The following RAB11B variants were observed in gnomAD, a reference collection of about 807,000 sequenced individuals.
RAB11B encodes the protein RAB11B, member RAS oncogene family.
A neutral mutation model predicts 23.7 loss-of-function variants in RAB11B; 7 were observed. The ratio of observed to expected loss-of-function variants is 0.29; its 90% CI spans 0.17 to 0.55. The LOEUF is 0.55. RAB11B is among the 20% of genes least tolerant of loss of function. The pLI is 0.93. For synonymous variants in RAB11B, 138 were observed against 132.0 expected (o/e 1.05, Z -0.31); for missense variants, 189 against 320.0 (o/e 0.59, Z 3.12).
rs1391174970 is a variant in RAB11B, at chr19:8,404,226, C to G, written c.*668C>G. ...GTCTGGAACCTGTTTGCAAGTGAAG[C>G]AATATCTCCGTGTTTTGTATATACA... On this transcript the variant is annotated 3_prime_UTR_variant, in exon 5 of 5. Coordinates refer to ENST00000328024, the MANE Select transcript of RAB11B (RefSeq NM_004218.4). The G allele has an allele frequency of 6.6e-6, 1 of 152,162 alleles. No individual in the cohort carries two copies. Among genetic ancestry groups the G allele is most frequent in the Non-Finnish European group, 1.5e-5 (1 of 68,146 alleles). The allele number at this position is 152,162 out of a possible 1,614,324, so 9.4% of individuals were successfully genotyped here.
At chr19:8,403,292 GA>G (rs1971452569) in intron 4 of RAB11B, 120 bp from the exon 5 acceptor site, 2 of 1,301,542 alleles carry the variant, frequency 1.5e-6, no homozygotes, top group Admixed American at 4.2e-5. Flanking sequence ...TGTTACCCCT[GA>G]TGTGATGGGG....
chr19:8,391,680 C>T (rs115212125), intron 1 of RAB11B, among the ~76,000 whole-genome samples: 63 of 152,246 alleles, frequency 4.1e-4, no homozygotes, highest in African/African-American at 1.4e-3. Flanking sequence ...TGAGGGCCTG[C>T]GTCGCACATC....
At chr19:8,394,802 C>T (rs1236334168) in intron 1 of RAB11B, among the ~76,000 whole-genome samples, 2 of 152,214 alleles carry the variant, frequency 1.3e-5, no homozygotes, top group Non-Finnish European at 2.9e-5. Flanking sequence ...TCGTGGTGCA[C>T]GCCTATAATC....
In RAB11B at chr19:8,403,459, C is replaced by T; in HGVS notation, c.558C>T (p.Ala186=). 1 of 1,613,868 alleles carries T rather than the reference C, an allele frequency of 6.2e-7. No homozygotes were observed. The highest frequency in any genetic ancestry group is 8.5e-7 in the Non-Finnish European group (1 of 1,179,780). ...AGAAACAGATCGCAGACCGCGCTGC[C>T]CACGACGAGTCCCCGGGGAACAACG... ...VSQKQIADRA[A]HDESPGNNVV... Residue 186 remains alanine (A), a synonymous_variant, in exon 5 of 5, where the codon GCC becomes GCT. Transcript: ENST00000328024.
In RAB11B at chr19:8,403,605, C is replaced by T. The variant is rs377340131; in HGVS notation, c.*47C>T. 777 of 1,573,544 alleles carry T rather than the reference C, an allele frequency of 4.9e-4. 2 individuals are homozygous for T. The African/African-American group carries it at 8.0e-3, about 16-fold the overall frequency. ...TGCGTGCACGTCCTCCGCCCGCCCC[C>T]GCCACGGTATCCTCTGGCCCCTCCC... On this transcript the variant is annotated 3_prime_UTR_variant, in exon 5 of 5. Transcript: ENST00000328024.
rs191106406 is a variant in RAB11B, at chr19:8,403,648, C to T, written c.*90C>T. The T allele has an allele frequency of 7.1e-4, 1,069 of 1,508,804 alleles. 14 individuals are homozygous for T. In the East Asian group the frequency reaches 0.023, roughly 32 times the overall value. 93.5% of individuals were successfully genotyped at this position (1,508,804 alleles called of 1,614,324 possible). Reference sequence around the variant, plus strand: ...CCCCTCCCTGCTGTCCCTCTGTGGCCGGCTCGTTCCAGCCCTCCCAGTGAG... The same window carrying T: ...CCCCTCCCTGCTGTCCCTCTGTGGCTGGCTCGTTCCAGCCCTCCCAGTGAG... On this transcript the variant is annotated 3_prime_UTR_variant, in exon 5 of 5. Coordinates refer to ENST00000328024, the MANE Select transcript of RAB11B (RefSeq NM_004218.4).
Position 8,403,600 on chromosome 19 carries a change from G to C in RAB11B, c.*42G>C, listed in dbSNP as rs748341027. 93 of 1,577,460 alleles carry C rather than the reference G, an allele frequency of 5.9e-5. No homozygotes were observed. The Middle Eastern group carries it at 8.6e-4, about 15-fold the overall frequency. On this transcript the variant is annotated 3_prime_UTR_variant, in exon 5 of 5. Coordinates refer to ENST00000328024, the MANE Select transcript of RAB11B (RefSeq NM_004218.4). ...CAGCGTGCGTGCACGTCCTCCGCCC[G>C]CCCCCGCCACGGTATCCTCTGGCCC...
chr19:8,390,814 G>A (rs1467928007), intron 1 of RAB11B: 1 of 229,166 alleles, frequency 4.4e-6, no homozygotes, highest in Non-Finnish European at 8.5e-6. Flanking sequence ...AGCGTGATTC[G>A]GGATGGGGGC....
chr19:8,400,493 G>GC (rs1247423088), intron 2 of RAB11B, among the ~76,000 whole-genome samples: 1 of 151,962 alleles, frequency 6.6e-6, no homozygotes, highest in Non-Finnish European at 1.5e-5. Flanking sequence ...CCCCTCCCAA[G>GC]CCCCCCAGCC....
At chr19:8,398,923 A>C (rs1162909081) in intron 1 of RAB11B, among the ~76,000 whole-genome samples, 1 of 151,606 alleles carries the variant, frequency 6.6e-6, no homozygotes, top group Non-Finnish European at 1.5e-5. Context: ...CTGGGGCTAC[A>C]GTAGCCACCA....
chr19:8,390,748 G>C (rs1160362138), intron 1 of RAB11B: 4 of 339,268 alleles, frequency 1.2e-5, no homozygotes, highest in Non-Finnish European at 2.1e-5. Context: ...TGTTAGGGCG[G>C]GGCCTCCGCA....
intron 4 of RAB11B, chr19:8,402,806 G>A (rs1245183908): frequency 3.5e-6 from 2 of 573,008 alleles, no homozygotes; most frequent in Non-Finnish European, 6.1e-6. Flanking sequence ...GGGATTACAG[G>A]TGCCTGCCAC....
intron 1 of RAB11B, 138 bp from the exon 2 acceptor site, chr19:8,399,725 C>G (rs891383660): frequency 2.1e-6 from 2 of 951,614 alleles, no homozygotes; most frequent in South Asian, 1.6e-5. Context: ...CCTGCAGGCC[C>G]TGGGCTCCAG....
chr19:8,403,973 A>C lies in RAB11B; in HGVS notation c.*415A>C. The C allele has an allele frequency of 6.2e-6, 1 of 161,796 alleles. No homozygotes were observed. The allele number at this position is 161,796 out of a possible 1,614,324, so 10.0% of individuals were successfully genotyped here. On this transcript the variant is annotated 3_prime_UTR_variant, in exon 5 of 5. Coordinates refer to ENST00000328024, the MANE Select transcript of RAB11B (RefSeq NM_004218.4). ...CCACCCAGAACCGTGCTCTGGGCCAAAGCCCGAAGAACCAGGCAGCGGGGG... is the reference window on the plus strand; with the variant it reads ...CCACCCAGAACCGTGCTCTGGGCCACAGCCCGAAGAACCAGGCAGCGGGGG...
chr19:8,401,735 T>C (rs900798498), intron 2 of RAB11B, among the ~76,000 whole-genome samples: 1 of 151,114 alleles, frequency 6.6e-6, no homozygotes, highest in Non-Finnish European at 1.5e-5. Context: ...TTGCCCAGGC[T>C]GGTCTGAAAC....
At chr19:8,399,499 C>G (rs935026876) in intron 1 of RAB11B, among the ~76,000 whole-genome samples, 1 of 152,246 alleles carries the variant, frequency 6.6e-6, no homozygotes, top group Admixed American at 6.5e-5. Context: ...GGAGCCTTCT[C>G]AAGCCGTGTC....
At chr19:8,390,684 G>T in intron 1 of RAB11B, 1 of 419,642 alleles carries the variant, frequency 2.4e-6, no homozygotes, top group Non-Finnish European at 4.0e-6. Context: ...CCTAGGACGC[G>T]CCGGGGCGGG....
intron 2 of RAB11B, among the ~76,000 whole-genome samples, chr19:8,401,272 G>A (rs1971434851): frequency 6.6e-6 from 1 of 151,476 alleles, no homozygotes; most frequent in African/African-American, 2.4e-5. Flanking sequence ...AGTAGAGATG[G>A]GGTTTCACCG....
At chr19:8,400,625 C>T (rs1971430126) in intron 2 of RAB11B, among the ~76,000 whole-genome samples, 3 of 151,304 alleles carry the variant, frequency 2.0e-5, no homozygotes, top group South Asian at 2.1e-4. Flanking sequence ...TCACTCTTGT[C>T]GCCCAGGCTG....
Sources: allele counts gnomAD v4.1 joint callset (sites outside exome capture counted in the v4.1 genomes callset), GRCh38; gene constraint gnomAD v4.1.1; transcripts MANE v1.5; gene names NCBI Gene and HGNC (gene_info 2026-07-23, HGNC 2026-07-21).